The following SLC28A2 variants were observed in gnomAD, a reference collection of about 807,000 sequenced individuals.
The protein encoded by SLC28A2 is sodium/nucleoside cotransporter 2.
A neutral mutation model predicts 72.9 loss-of-function variants in SLC28A2; 69 were observed. The observed-to-expected ratio is 0.95, with a 90% CI of 0.78 to 1.16. The LOEUF (loss-of-function observed/expected upper bound fraction) is 1.16. SLC28A2 is among the 50% of genes most tolerant of loss of function. The pLI is 0.00. For synonymous variants in SLC28A2, 296 were observed against 294.1 expected (o/e 1.01, Z -0.07); for missense variants, 745 against 791.1 (o/e 0.94, Z 0.70).
intron 6 of SLC28A2, 38 bp from the exon 7 acceptor site, chr15:45,264,617 C>A: frequency 2.2e-6 from 3 of 1,352,452 alleles, no homozygotes; most frequent in Non-Finnish European, 3.2e-6. Context: ...AATGGACTAG[C>A]AGAACTCACA....
At chr15:45,275,062 G>A (rs1900708285) in intron 17 of SLC28A2, among the ~76,000 whole-genome samples, 1 of 152,130 alleles carries the variant, frequency 6.6e-6, no homozygotes. Flanking sequence ...CAAGAGGAAG[G>A]TGGCCTTGGA....
chr15:45,264,800 T>TAGGG, intron 7 of SLC28A2, 32 bp downstream of exon 7: 1 of 1,316,462 alleles, frequency 7.6e-7, no homozygotes, highest in Non-Finnish European at 1.1e-6. Context: ...GGCTTTTCTC[T>TAGGG]TTTAGAACCC....
intron 17 of SLC28A2, among the ~76,000 whole-genome samples, chr15:45,274,289 A>G (rs890916813): frequency 2.0e-5 from 3 of 151,748 alleles, no homozygotes; most frequent in African/African-American, 4.8e-5. Context: ...ACTTAAGCTC[A>G]GGAGTTCAAG....
chr15:45,256,668 C>G (rs1595671065), intron 3 of SLC28A2, among the ~76,000 whole-genome samples: 1 of 152,126 alleles, frequency 6.6e-6, no homozygotes, highest in African/African-American at 2.4e-5. Flanking sequence ...CTCAGCCTCC[C>G]AAAGTGCTGG....
intron 17 of SLC28A2, among the ~76,000 whole-genome samples, chr15:45,272,990 A>G (rs973721082): frequency 6.6e-6 from 1 of 152,186 alleles, no homozygotes; most frequent in African/African-American, 2.4e-5. Context: ...GCTACTGAGA[A>G]GTAGAGCAGC....
intron 17 of SLC28A2, among the ~76,000 whole-genome samples, chr15:45,274,414 G>A (rs1027645968): frequency 6.6e-6 from 1 of 152,148 alleles, no homozygotes; most frequent in Non-Finnish European, 1.5e-5. Context: ...GGGAGGCTGA[G>A]GTGGCAGGAT....
At chr15:45,261,211 G>A (rs138449347) in intron 3 of SLC28A2, among the ~76,000 whole-genome samples, 143 of 152,338 alleles carry the variant, frequency 9.4e-4, no homozygotes, top group African/African-American at 3.3e-3. Flanking sequence ...CTTAGGAGTG[G>A]AAAAGACAGG....
In SLC28A2 at chr15:45,275,804, G is replaced by C. The variant is rs2458226; in HGVS notation, c.*291G>C. Reference sequence around the variant, plus strand: ...CAAAAAATTAGCCGGGAGTGGTGTCGGGCGACTGTAGTCCCAGCTACTCGC... The same window carrying C: ...CAAAAAATTAGCCGGGAGTGGTGTCCGGCGACTGTAGTCCCAGCTACTCGC... On this transcript the variant is annotated 3_prime_UTR_variant, in exon 18 of 18. Coordinates refer to ENST00000347644, the MANE Select transcript of SLC28A2 (RefSeq NM_004212.4). The C allele has an allele frequency of 2.4e-5, 5 of 206,004 alleles. No individual in the cohort carries two copies. The highest frequency in any genetic ancestry group is 4.9e-5 in the Non-Finnish European group (5 of 101,868). 12.8% of individuals were successfully genotyped at this position (206,004 alleles called of 1,614,324 possible).
chr15:45,252,791 T>C (rs1228918975), intron 1 of SLC28A2, among the ~76,000 whole-genome samples: 1 of 152,200 alleles, frequency 6.6e-6, no homozygotes, highest in Admixed American at 6.5e-5. Context: ...TTCCTCCCTG[T>C]TTCCTTCTTA....
Position 45,277,619 on chromosome 15 carries a change from A to G in SLC28A2, c.*2106A>G, listed in dbSNP as rs1480525437. 1 of 150,642 alleles carries G rather than the reference A, an allele frequency of 6.6e-6. No individual in the cohort carries two copies. Among genetic ancestry groups the G allele is most frequent in the Non-Finnish European group, 1.5e-5 (1 of 67,736 alleles). The allele number at this position is 150,642 out of a possible 1,614,324, so 9.3% of individuals were successfully genotyped here. ...TGAAATATTCAGAATATATAAATCC[A>G]TAGAGACAGAAGGGAGATGGTGGTT... On this transcript the variant is annotated 3_prime_UTR_variant, in exon 18 of 18. Coordinates refer to ENST00000347644, the MANE Select transcript of SLC28A2 (RefSeq NM_004212.4).
intron 10 of SLC28A2, 48 bp from the exon 11 acceptor site, chr15:45,267,407 G>A (rs1900371247): frequency 6.2e-7 from 1 of 1,610,006 alleles, no homozygotes; most frequent in Non-Finnish European, 8.5e-7. Flanking sequence ...ACACTGGCAT[G>A]GGGAGTTACA....
At chr15:45,260,573 A>G (rs1329194171) in intron 3 of SLC28A2, among the ~76,000 whole-genome samples, 1 of 152,170 alleles carries the variant, frequency 6.6e-6, no homozygotes, top group Non-Finnish European at 1.5e-5. Flanking sequence ...CCTGGGGAAC[A>G]TAGCAAGACC....
chr15:45,272,544 C>A, intron 16 of SLC28A2, 129 bp from the exon 17 acceptor site: 1 of 810,784 alleles, frequency 1.2e-6, no homozygotes, highest in Non-Finnish European at 2.1e-6. Flanking sequence ...ATTGATTTAC[C>A]CATGCATTCC....
At position 45,277,562 on chromosome 15, in the gene SLC28A2, A is replaced by C. The variant is rs1900785841; in HGVS notation, c.*2049A>C. ...ATGCTAAACGAAAGAAGCTAGACAC[A>C]AAAGTCTTATTATTGCATGATTCCA... On this transcript the variant is annotated 3_prime_UTR_variant, in exon 18 of 18. Coordinates refer to ENST00000347644, the MANE Select transcript of SLC28A2 (RefSeq NM_004212.4). 1 of 151,254 alleles carries C rather than the reference A, an allele frequency of 6.6e-6. No individual in the cohort carries two copies. Among genetic ancestry groups the C allele is most frequent in the African/African-American group, 2.4e-5 (1 of 41,160 alleles). 9.4% of individuals were successfully genotyped at this position (151,254 alleles called of 1,614,324 possible).
In SLC28A2 at chr15:45,259,758, G is replaced by A. The variant is rs146554460; in HGVS notation, c.171-2257G>A. On this transcript the variant is annotated intron_variant, in intron 3 of 17. Coordinates refer to ENST00000347644, the MANE Select transcript of SLC28A2 (RefSeq NM_004212.4). ...ACAGAAATGCTCCTTTCCCTGATAT[G>A]CTCAAAACCTAATAAAGACAGGTAA... Among the ~76,000 whole-genome samples the A allele has an allele frequency of 2.2e-3, 333 of 152,292 alleles. 9 individuals carry two copies. In the South Asian group the frequency reaches 0.027, roughly 12 times the overall value.
At chr15:45,261,508 ACTTG>A (rs1293069930) in intron 3 of SLC28A2, among the ~76,000 whole-genome samples, 1 of 152,112 alleles carries the variant, frequency 6.6e-6, no homozygotes, top group Non-Finnish European at 1.5e-5. Context: ...GAATATCCCT[ACTTG>A]CTGGGCCTCT....
chr15:45,271,308 G>A (rs759371494), intron 15 of SLC28A2, among the ~76,000 whole-genome samples: 40 of 152,174 alleles, frequency 2.6e-4, no homozygotes, highest in Non-Finnish European at 8.8e-5. Context: ...GCTCATGCCT[G>A]TAATCCCAAC....
At position 45,263,999 on chromosome 15, in the gene SLC28A2, G is replaced by C. The variant is rs542060867; in HGVS notation, c.565G>C (p.Ala189Pro). The C allele has an allele frequency of 1.9e-6, 3 of 1,613,004 alleles. No individual in the cohort carries two copies. The African/African-American group carries it at 4.0e-5, about 22-fold the overall frequency. The change falls in exon 6 of 18, where the codon GCC becomes CCC. Residue 189 changes from alanine (A) to proline (P), a missense_variant. Ala to Pro is a conservative substitution (Grantham distance 27). Transcript: ENST00000347644. The stretch of plus-strand genomic sequence containing the variant: ...CTGCATGTTCATCCTTATCCTCTTT[G>C]CCTGCTCCAAACACCACAGCGCAGT... Reference protein sequence around the residue: ...GICMFILILFACSKHHSAVSW... With the variant: ...GICMFILILFPCSKHHSAVSW...
intron 10 of SLC28A2, 66 bp downstream of exon 10, chr15:45,266,227 A>G: frequency 8.7e-7 from 1 of 1,145,266 alleles, no homozygotes; most frequent in South Asian, 1.2e-5. Context: ...ACAAAACAAG[A>G]GTATGCTTTC....
Sources: allele counts gnomAD v4.1 joint callset (sites outside exome capture counted in the v4.1 genomes callset), GRCh38; gene constraint gnomAD v4.1.1; transcripts MANE v1.5; gene names NCBI Gene and HGNC (gene_info 2026-07-23, HGNC 2026-07-21).